KDM3B: variants seen among roughly 807,000 people sequenced by gnomAD.
The protein encoded by KDM3B is lysine demethylase 3B.
A neutral mutation model predicts 170.0 loss-of-function variants in KDM3B; 10 were observed. The observed-to-expected ratio is 0.06, with a 90% CI of 0.04 to 0.10. The LOEUF is 0.10. Ranked by LOEUF, KDM3B falls within the 10% of genes least tolerant of loss-of-function variation. The probability of loss-of-function intolerance (pLI) is 1.00; values close to 1 mark genes in which losing one functional copy is unlikely to be tolerated. For synonymous variants in KDM3B, 831 were observed against 834.8 expected (o/e 1.00, Z 0.08); for missense variants, 1,394 against 2,195.2 (o/e 0.64, Z 7.29).
At chr5:138,409,445 T>C (rs1762905241) in intron 11 of KDM3B, among the ~76,000 whole-genome samples, 1 of 152,178 alleles carries the variant, frequency 6.6e-6, no homozygotes, top group Non-Finnish European at 1.5e-5. Flanking sequence ...AGCAGGAGAA[T>C]TCCTTGAACC....
At chr5:138,426,865 A>G (rs1763409242) in intron 17 of KDM3B, 110 bp from the exon 18 acceptor site, 15 of 353,260 alleles carry the variant, frequency 4.2e-5, no homozygotes, top group Admixed American at 5.8e-5. Context: ...TCTGTCTCAA[A>G]AAAAAAAAAA....
chr5:138,381,380 A>G (rs898023929), intron 5 of KDM3B, 136 bp from the exon 6 acceptor site: 17 of 612,074 alleles, frequency 2.8e-5, no homozygotes, highest in Non-Finnish European at 4.9e-5. Flanking sequence ...GAGACAGTAG[A>G]GATCTCTGCT....
intron 1 of KDM3B, among the ~76,000 whole-genome samples, chr5:138,360,442 G>A (rs1218056290): frequency 1.3e-5 from 2 of 151,662 alleles, no homozygotes; most frequent in African/African-American, 4.9e-5. Context: ...ACAGCATCAG[G>A]TCTGTTTTTG....
Position 138,392,111 on chromosome 5 carries a change from C to T in KDM3B, c.2479C>T (p.Gln827Ter). 1 of 1,607,336 alleles carries T rather than the reference C, an allele frequency of 6.2e-7. No individual in the cohort carries two copies. Among genetic ancestry groups the T allele is most frequent in the Non-Finnish European group, 8.5e-7 (1 of 1,174,482 alleles). ...GTCAGATTTGAGTGACTCTGAGGAG[C>T]AGCTGCAGGCTAAGACAGGCCTGAA... ...DLSDLSDSEE[Q>*]LQAKTGLKGI... The change falls in exon 8 of 24, where the codon CAG becomes TAG. Residue 827 changes from glutamine (Q) to a stop codon, truncating the protein, a stop_gained. Coordinates refer to ENST00000314358, the MANE Select transcript of KDM3B (RefSeq NM_016604.4). LOFTEE classifies it high-confidence loss of function.
At chr5:138,379,241 A>G (rs1004890305) in intron 4 of KDM3B, among the ~76,000 whole-genome samples, 1 of 152,164 alleles carries the variant, frequency 6.6e-6, no homozygotes, top group Non-Finnish European at 1.5e-5. Flanking sequence ...GTATCTACCT[A>G]CATTTTCATA....
intron 1 of KDM3B, among the ~76,000 whole-genome samples, chr5:138,368,235 CTTTT>C (rs111379967): frequency 1.4e-5 from 2 of 139,958 alleles, no homozygotes; most frequent in Non-Finnish European, 1.6e-5. Flanking sequence ...TTCTTTCTTT[CTTTT>C]TTTTTTTTTT....
intron 7 of KDM3B, among the ~76,000 whole-genome samples, chr5:138,388,936 C>G (rs1762353868): frequency 1.3e-5 from 2 of 152,186 alleles, no homozygotes; most frequent in African/African-American, 4.8e-5. Flanking sequence ...TTCTCATCAC[C>G]TTTTTATAAG....
At chr5:138,371,579 G>T (rs966003515) in intron 1 of KDM3B, among the ~76,000 whole-genome samples, 2 of 152,128 alleles carry the variant, frequency 1.3e-5, no homozygotes, top group Admixed American at 6.5e-5. Context: ...TTCAAGAAGT[G>T]GAGTATCTGT....
At position 138,430,004 on chromosome 5, in the gene KDM3B, CAA is replaced by C. The variant is rs748858243; in HGVS notation, c.4893+40_4893+41del. 3 of 1,607,234 alleles carry C rather than the reference CAA, an allele frequency of 1.9e-6. No homozygotes were observed. The Admixed American group carries it at 5.0e-5, about 27-fold the overall frequency. On this transcript the variant is annotated intron_variant, in intron 21 of 23. Coordinates refer to ENST00000314358, the MANE Select transcript of KDM3B (RefSeq NM_016604.4). Reference sequence around the variant, plus strand: ...TGGGCTGTGCTCCCAGCTCACATATCAAGAGTCTCGTTGCTGAGACACCCTAT... The same window carrying C: ...TGGGCTGTGCTCCCAGCTCACATATCGAGTCTCGTTGCTGAGACACCCTAT...
chr5:138,408,342 C>CT (rs1049912140), intron 11 of KDM3B, among the ~76,000 whole-genome samples: 62 of 145,040 alleles, frequency 4.3e-4, no homozygotes, highest in East Asian at 3.0e-3. Context: ...CTCTTTCTTT[C>CT]TTTTTTTTTT....
intron 11 of KDM3B, among the ~76,000 whole-genome samples, chr5:138,410,499 G>A (rs1281352864): frequency 6.6e-5 from 10 of 151,922 alleles, no homozygotes; most frequent in Non-Finnish European, 1.2e-4. Context: ...AAAAAAAAAA[G>A]AGGAACCTCT....
chr5:138,396,469 T>A (rs528971346), intron 9 of KDM3B, among the ~76,000 whole-genome samples: 1 of 152,292 alleles, frequency 6.6e-6, no homozygotes, highest in African/African-American at 2.4e-5. Context: ...AGAGGATTTT[T>A]GTGGTAGAAA....
intron 23 of KDM3B, among the ~76,000 whole-genome samples, chr5:138,433,963 C>T (rs1763605631): frequency 6.6e-6 from 1 of 152,144 alleles, no homozygotes; most frequent in African/African-American, 2.4e-5. Flanking sequence ...TGGTCTTGAA[C>T]TCCCGACCTC....
chr5:138,367,734 G>T (rs1761777196), intron 1 of KDM3B, among the ~76,000 whole-genome samples: 1 of 152,140 alleles, frequency 6.6e-6, no homozygotes, highest in Non-Finnish European at 1.5e-5. Context: ...AATTATCTCA[G>T]TGGGGCATGA....
At chr5:138,360,235 A>G (rs1223959841) in intron 1 of KDM3B, among the ~76,000 whole-genome samples, 1 of 152,200 alleles carries the variant, frequency 6.6e-6, no homozygotes, top group Non-Finnish European at 1.5e-5. Flanking sequence ...ATTACTTACA[A>G]TTCCAAAAGT....
intron 11 of KDM3B, among the ~76,000 whole-genome samples, chr5:138,401,675 T>A (rs1049576459): frequency 6.6e-6 from 1 of 152,222 alleles, no homozygotes; most frequent in Admixed American, 6.5e-5. Flanking sequence ...ATGACAATTC[T>A]ACTTTTAACC....
intron 7 of KDM3B, among the ~76,000 whole-genome samples, chr5:138,388,430 A>G (rs2126945706): frequency 6.6e-6 from 1 of 152,096 alleles, no homozygotes; most frequent in African/African-American, 2.4e-5. Flanking sequence ...CAGGAGATCG[A>G]GACCATCCTG....
chr5:138,393,085 A>G (rs2269951), intron 8 of KDM3B, 86 bp from the exon 9 acceptor site: 495,007 of 1,291,378 alleles, frequency 0.38, 96,920 homozygotes, highest in East Asian at 0.54. Flanking sequence ...CCCAGGTCAG[A>G]ACAAATGTCT....
chr5:138,421,732 A>G (rs1164432598), intron 15 of KDM3B, among the ~76,000 whole-genome samples: 2 of 152,194 alleles, frequency 1.3e-5, no homozygotes, highest in East Asian at 1.9e-4. Context: ...AAAATAATAA[A>G]ATATAAGTCA....
Sources: allele counts gnomAD v4.1 joint callset (sites outside exome capture counted in the v4.1 genomes callset), GRCh38; gene constraint gnomAD v4.1.1; transcripts MANE v1.5; gene names NCBI Gene and HGNC (gene_info 2026-07-23, HGNC 2026-07-21).